RASSF3: variants seen among roughly 807,000 people sequenced by gnomAD.
RASSF3 encodes Ras association domain family member 3, also known as ras association domain-containing protein 3.
A neutral mutation model predicts 19.9 loss-of-function variants in RASSF3; 19 were observed. The observed-to-expected ratio is 0.96, with a 90% CI of 0.67 to 1.40. The LOEUF (loss-of-function observed/expected upper bound fraction) is 1.40, where lower values mean the gene tolerates loss of function less well. RASSF3 is among the 40% of genes most tolerant of loss of function. RASSF3 has a pLI of 0.00. For synonymous variants in RASSF3, 110 were observed against 104.2 expected, an observed-to-expected ratio of 1.06 and a Z score of -0.34; for missense variants, 306 against 289.8, an observed-to-expected ratio of 1.06 and a Z score of -0.41.
chr12:64,638,689 T>C (rs1871409963), intron 1 of RASSF3, among the ~76,000 whole-genome samples: 1 of 152,208 alleles, frequency 6.6e-6, no homozygotes, highest in South Asian at 2.1e-4. Context: ...GCCCCATTTG[T>C]TCTTCTCCCT....
chr12:64,527,428 A>G (rs2136107534), intron 1 of RASSF3, among the ~76,000 whole-genome samples: 1 of 152,374 alleles, frequency 6.6e-6, no homozygotes, highest in East Asian at 1.9e-4. Context: ...AATATGGCAC[A>G]CAGTAAGTGC....
rs756181053 is a variant in RASSF3, at chr12:64,688,443, G to A, written c.447G>A (p.Arg149=). The change falls in exon 3 of 5, where the codon AGG becomes AGA. Residue 149 remains arginine (R), a synonymous_variant. Coordinates refer to ENST00000542104, the MANE Select transcript of RASSF3 (RefSeq NM_178169.4). The part of the protein sequence containing the change: ...AKFALYKRCH[R]EDQVYACKLS... ...TTGCACTTTATAAGCGTTGTCACAG[G>A]GAAGACCAAGGTACGCTGCCAGCTT... is the stretch of plus-strand genomic sequence containing the variant. 44 of 1,611,134 alleles carry A rather than the reference G, an allele frequency of 2.7e-5. No homozygotes were observed. The Middle Eastern group carries it at 1.3e-3, about 48-fold the overall frequency.
At position 64,635,040 on chromosome 12, in the gene RASSF3, A is replaced by G. The variant is rs73319681; in HGVS notation, c.111+24297A>G. Among the ~76,000 whole-genome samples, 1,125 of 147,764 alleles carry G rather than the reference A, an allele frequency of 7.6e-3. 18 individuals carry two copies. The highest frequency in any genetic ancestry group is 0.027 in the African/African-American group (1,083 of 39,914). On this transcript the variant is annotated intron_variant, in intron 1 of 4. Transcript: ENST00000542104. The stretch of plus-strand genomic sequence containing the variant: ...AAATACAGTGGTGCAGTCTTGGCTC[A>G]CTGCAACCTCTGTCACCCTTTTCCC...
intron 2 of RASSF3, among the ~76,000 whole-genome samples, chr12:64,570,812 G>T (rs1348243448): frequency 6.6e-6 from 1 of 152,160 alleles, no homozygotes; most frequent in Non-Finnish European, 1.5e-5. Context: ...TGAGGGTTCT[G>T]TCATCTCAGC....
intron 1 of RASSF3, among the ~76,000 whole-genome samples, chr12:64,635,927 G>A (rs1408763741): frequency 6.6e-6 from 1 of 152,114 alleles, no homozygotes; most frequent in African/African-American, 2.4e-5. Flanking sequence ...TATGAAAATA[G>A]GCAGTATCTC....
upstream of RASSF3, among the ~76,000 whole-genome samples, chr12:64,606,399 A>G (rs1357109898): frequency 1.3e-5 from 2 of 152,234 alleles, no homozygotes; most frequent in Non-Finnish European, 2.9e-5. Context: ...GGCAAGAAAG[A>G]TGAATATTTG....
intron 3 of RASSF3, among the ~76,000 whole-genome samples, chr12:64,689,220 G>GATGTGTGTGT (rs1873480002): frequency 1.4e-5 from 2 of 147,444 alleles, no homozygotes; most frequent in Non-Finnish European, 3.0e-5. Flanking sequence ...TTGAAATCGG[G>GATGTGTGTGT]GTGTGTGTGT....
At chr12:64,550,638 G>A (rs925103722) in intron 2 of RASSF3, among the ~76,000 whole-genome samples, 1 of 151,744 alleles carries the variant, frequency 6.6e-6, no homozygotes, top group Non-Finnish European at 1.5e-5. Flanking sequence ...TTGGACAACA[G>A]AGCAAGACTC....
intron 2 of RASSF3, among the ~76,000 whole-genome samples, chr12:64,592,694 T>TG (rs1287489939): frequency 3.3e-5 from 5 of 152,154 alleles, no homozygotes; most frequent in African/African-American, 1.2e-4. Context: ...TGATGTACAG[T>TG]GGTACAATCA....
At position 64,675,813 on chromosome 12, in the gene RASSF3, C is replaced by G. The variant is rs557962380; in HGVS notation, c.112-8974C>G. Among the ~76,000 whole-genome samples the G allele has an allele frequency of 4.6e-5, 7 of 152,146 alleles. No homozygotes were observed. In the East Asian group the frequency reaches 1.2e-3, roughly 25 times the overall value. ...TGAACAAAGTGAACATCTTATATGG[C>G]TGCACTAAAAAAGTTGCCCGCTTAC... On this transcript the variant is annotated intron_variant, in intron 1 of 4. Transcript: ENST00000542104.
chr12:64,582,805 A>T (rs931865938), intron 2 of RASSF3, among the ~76,000 whole-genome samples: 2 of 152,184 alleles, frequency 1.3e-5, no homozygotes, highest in African/African-American at 4.8e-5. Context: ...ACTTCAAGAA[A>T]GACACTGAAG....
rs772202301 is a variant in RASSF3 at position 64,688,385 on chromosome 12, A to T, written c.389A>T (p.Lys130Ile). The T allele has an allele frequency of 9.3e-6, 15 of 1,614,122 alleles. No individual in the cohort carries two copies. The South Asian group carries it at 1.6e-4, about 18-fold the overall frequency. Residue 130 changes from lysine (K) to isoleucine (I), a missense_variant, in exon 3 of 5, where the codon AAA (lysine) becomes ATA (isoleucine). By Grantham distance (102) the Lys-to-Ile change is moderately radical. Coordinates refer to ENST00000542104, the MANE Select transcript of RASSF3 (RefSeq NM_178169.4). Reference protein sequence around the residue: ...TVGEVIEALLKKFLVTESPAK... With the variant: ...TVGEVIEALLIKFLVTESPAK... Reference sequence around the variant, plus strand: ...GGGGAAGTGATCGAGGCCCTGCTCAAAAAGTTTCTCGTGACTGAGAGCCCT... The same window carrying T: ...GGGGAAGTGATCGAGGCCCTGCTCATAAAGTTTCTCGTGACTGAGAGCCCT...
At chr12:64,549,158 TA>T (rs1869116158) in intron 2 of RASSF3, among the ~76,000 whole-genome samples, 1 of 152,188 alleles carries the variant, frequency 6.6e-6, no homozygotes, top group East Asian at 1.9e-4. Flanking sequence ...TCCTAGTTAT[TA>T]AAATCCCTGA....
chr12:64,631,372 C>T (rs370240151), intron 1 of RASSF3, among the ~76,000 whole-genome samples: 10 of 152,076 alleles, frequency 6.6e-5, no homozygotes, highest in South Asian at 2.1e-4. Flanking sequence ...GAACTGGAGG[C>T]GTACAGTCAC....
upstream of RASSF3, among the ~76,000 whole-genome samples, chr12:64,529,779 T>C (rs1332309445): frequency 6.6e-6 from 1 of 152,190 alleles, no homozygotes; most frequent in Non-Finnish European, 1.5e-5. Context: ...AAATAGGCAA[T>C]ATGATTTGGA....
At chr12:64,583,359 C>T (rs117270443) in intron 2 of RASSF3, among the ~76,000 whole-genome samples, 5,765 of 152,276 alleles carry the variant, frequency 0.038, 199 homozygotes, top group Middle Eastern at 0.068. Context: ...CAGTGGCTCA[C>T]GCCTGTAATC....
At chr12:64,611,261 A>G (rs1843703474) in intron 1 of RASSF3, among the ~76,000 whole-genome samples, 1 of 152,100 alleles carries the variant, frequency 6.6e-6, no homozygotes, top group Admixed American at 6.5e-5. Flanking sequence ...GTCCAAGGGC[A>G]CCGTGGGCCT....
At chr12:64,525,855 T>C (rs897743291) in intron 1 of RASSF3, among the ~76,000 whole-genome samples, 19 of 152,182 alleles carry the variant, frequency 1.2e-4, no homozygotes, top group African/African-American at 3.9e-4. Context: ...TCGCTGCTAC[T>C]GTGATGCGTG....
At chr12:64,570,497 G>A (rs1455229850) in intron 2 of RASSF3, among the ~76,000 whole-genome samples, 5 of 152,172 alleles carry the variant, frequency 3.3e-5, no homozygotes, top group African/African-American at 1.2e-4. Flanking sequence ...CACGCAATTT[G>A]AGGAGAAGGC....
Sources: allele counts gnomAD v4.1 joint callset (sites outside exome capture counted in the v4.1 genomes callset), GRCh38; gene constraint gnomAD v4.1.1; transcripts MANE v1.5; gene names NCBI Gene and HGNC (gene_info 2026-07-23, HGNC 2026-07-21).